EXD3: variants seen among roughly 807,000 people sequenced by gnomAD.
The protein encoded by EXD3 is exonuclease 3'-5' domain containing 3.
EXD3 carries 92 observed loss-of-function variants against 98.0 expected under a neutral mutation model. The ratio of observed to expected loss-of-function variants is 0.94; its 90% CI spans 0.79 to 1.12. EXD3 has a LOEUF of 1.12. Among genes scored for constraint, EXD3 ranks in the 50% most tolerant of loss-of-function variants. EXD3 has a pLI of 0.00. For missense variants in EXD3, 1,222 were observed against 1,191.6 expected (o/e 1.03, Z -0.38); for synonymous variants, 569 against 526.0 (o/e 1.08, Z -1.12).
intron 3 of EXD3, chr9:137,381,248 T>C (rs1397138631): frequency 6.9e-6 from 1 of 144,542 alleles, no homozygotes; most frequent in Non-Finnish European, 1.5e-5. Flanking sequence ...CCGTCTCTAC[T>C]AAAAATACAA....
chr9:137,414,325 C>T (rs1487684286), intron 1 of EXD3, among the ~76,000 whole-genome samples: 1 of 152,240 alleles, frequency 6.6e-6, no homozygotes. Context: ...GAGTCCTGCC[C>T]CACTGTGTGC....
intron 1 of EXD3, among the ~76,000 whole-genome samples, chr9:137,404,572 A>G (rs1285048779): frequency 5.3e-5 from 8 of 152,234 alleles, no homozygotes; most frequent in Non-Finnish European, 1.0e-4. Context: ...AAAAATCACT[A>G]AAAGCCGGCC....
chr9:137,390,788 C>T (rs1836864716), intron 2 of EXD3, among the ~76,000 whole-genome samples: 3 of 152,216 alleles, frequency 2.0e-5, no homozygotes, highest in African/African-American at 7.2e-5. Flanking sequence ...CCACTGCCAG[C>T]TGGGCCTGGG....
At chr9:137,331,960 TC>T (rs1833085902) in intron 17 of EXD3, among the ~76,000 whole-genome samples, 1 of 151,452 alleles carries the variant, frequency 6.6e-6, no homozygotes, top group Non-Finnish European at 1.5e-5. Context: ...AAGAACTCAA[TC>T]CTTTTTACAA....
Position 137,349,121 on chromosome 9 carries a change from C to A in EXD3, c.1819G>T (p.Ala607Ser). 1 of 1,595,258 alleles carries A rather than the reference C, an allele frequency of 6.3e-7. No homozygotes were observed. The highest frequency in any genetic ancestry group is 8.5e-7 in the Non-Finnish European group (1 of 1,176,562). The change falls in exon 16 of 22, where the codon GCA (alanine) becomes TCA (serine). Residue 607 changes from alanine to serine, a missense_variant. Ala to Ser is a moderately conservative substitution (Grantham distance 99). Transcript: ENST00000340951. This position sits in a 1 kb window ranked among gnomAD's most constrained non-coding sequence, Gnocchi z 7.4. ...GGGGCTTCACCCACCTGCCTGGGTG[C>A]GGCCGGTGCTGACGCTTTCTGCAGG... ...PGLQKASAPA[A>S]PRQVPVAVAV... is the part of the protein sequence containing the mutation.
chr9:137,376,930 A>C (rs1835936308), intron 3 of EXD3: 1 of 126,662 alleles, frequency 7.9e-6, no homozygotes, highest in South Asian at 2.3e-4. Context: ...TCTCCATCTC[A>C]AAAAAAAAAA....
intron 1 of EXD3, among the ~76,000 whole-genome samples, chr9:137,396,890 G>A (rs1216818530): frequency 1.3e-5 from 2 of 152,196 alleles, no homozygotes; most frequent in Non-Finnish European, 2.9e-5. Context: ...CACGTTTCCC[G>A]ACAGCAGTCA....
intron 3 of EXD3, among the ~76,000 whole-genome samples, chr9:137,381,825 C>A (rs1202520848): frequency 6.6e-6 from 1 of 152,186 alleles, no homozygotes; most frequent in Non-Finnish European, 1.5e-5. Flanking sequence ...GCACCCAGGA[C>A]CCCCAAGGAC....
chr9:137,332,489 A>G (rs1030652510), intron 17 of EXD3, among the ~76,000 whole-genome samples: 3 of 151,948 alleles, frequency 2.0e-5, no homozygotes, highest in Admixed American at 1.3e-4. Context: ...TGGGAGGCTG[A>G]GGCAGGGGAA....
At chr9:137,379,319 T>C (rs1836095638) in intron 3 of EXD3, among the ~76,000 whole-genome samples, 14 of 98,228 alleles carry the variant, frequency 1.4e-4, no homozygotes, top group African/African-American at 5.9e-4. Context: ...CCGAGGGGAA[T>C]GGGGGCGTCT....
At chr9:137,387,251 G>A (rs1401593772) in intron 2 of EXD3, among the ~76,000 whole-genome samples, 2 of 152,170 alleles carry the variant, frequency 1.3e-5, no homozygotes, top group African/African-American at 4.8e-5. Flanking sequence ...GACCGCCTGG[G>A]TCTCCTTCCA....
At chr9:137,389,283 G>A (rs994806243) in intron 2 of EXD3, among the ~76,000 whole-genome samples, 1 of 152,090 alleles carries the variant, frequency 6.6e-6, no homozygotes, top group Non-Finnish European at 1.5e-5. Context: ...AGGACCGCCC[G>A]TGTCTGGGGA....
rs1835746553 is a variant in EXD3 at position 137,373,520 on chromosome 9, CG to C, written c.199del (p.Arg67GlyfsTer35). The C allele has an allele frequency of 6.2e-7, 1 of 1,604,502 alleles. No individual in the cohort carries two copies. The highest frequency in any genetic ancestry group is 1.3e-5 in the African/African-American group (1 of 74,860). On this transcript the variant is annotated frameshift_variant, in exon 4 of 22. Transcript: ENST00000340951. LOFTEE classifies it high-confidence loss of function. The part of the protein sequence containing the change: ...AGLLDMLESC[R>X]GQRGEGPSLA... ...GGAGGGGCCCTCTCCCCGCTGGCCC[CG>C]GCAGCTCTCCAGCATGTCCAGAAGC...
rs1185810638 is a variant in EXD3, at chr9:137,366,581, C to T, written c.568G>A (p.Val190Met). The T allele has an allele frequency of 6.4e-7, 1 of 1,553,972 alleles. No individual in the cohort carries two copies. The highest frequency in any genetic ancestry group is 8.7e-7 in the Non-Finnish European group (1 of 1,149,466). The change falls in exon 7 of 22, where the codon GTG becomes ATG. Residue 190 changes from valine (V) to methionine (M), a missense_variant. By Grantham distance (21) the Val-to-Met change is conservative. Transcript: ENST00000340951. ...QDKVALVERY[V>M]AGFPDLQRRL... ...CTCTGGAGGTCCGGGAAGCCGGCCACATAGCGCTCCACGAGGGCCACCTTG... is the reference window on the plus strand; with the variant it reads ...CTCTGGAGGTCCGGGAAGCCGGCCATATAGCGCTCCACGAGGGCCACCTTG...
intron 5 of EXD3, among the ~76,000 whole-genome samples, chr9:137,369,243 G>C (rs966214498): frequency 2.0e-5 from 3 of 151,838 alleles, no homozygotes; most frequent in Non-Finnish European, 1.5e-5. Context: ...GTGGGCTTAC[G>C]GCTGTGAGCA....
At chr9:137,323,699 G>C in intron 19 of EXD3, 26 bp downstream of exon 19, 4 of 1,608,404 alleles carry the variant, frequency 2.5e-6, no homozygotes, top group Non-Finnish European at 3.4e-6. Context: ...GCCAGCCCCA[G>C]GTAGGACGGG....
At chr9:137,374,479 C>G in intron 3 of EXD3, 1 of 848,888 alleles carries the variant, frequency 1.2e-6, no homozygotes, top group Non-Finnish European at 1.4e-6. Flanking sequence ...GCTCCAGGAG[C>G]AACATCCTGA....
intron 5 of EXD3, among the ~76,000 whole-genome samples, chr9:137,370,394 C>CTGGACCCA (rs554368097): frequency 8.0e-4 from 121 of 152,190 alleles, no homozygotes; most frequent in African/African-American, 2.8e-3. Context: ...GTGAAGAGTC[C>CTGGACCCA]TGGACCCCGT....
intron 1 of EXD3, among the ~76,000 whole-genome samples, chr9:137,408,157 AAC>A (rs1023195105): frequency 1.3e-5 from 2 of 152,252 alleles, no homozygotes; most frequent in African/African-American, 2.4e-5. Flanking sequence ...ACTAAAACCC[AAC>A]AGTGACTCTT....
Sources: gnomAD v4.1 joint callset for allele counts (sites outside exome capture counted in the v4.1 genomes callset) on GRCh38, gnomAD v4.1.1 for gene constraint, Gnocchi (gnomAD v3.1) non-coding constraint, MANE v1.5 for transcripts, NCBI Gene and HGNC (gene_info 2026-07-23, HGNC 2026-07-21) for gene names.